The following MYO1E variants were observed in gnomAD, a reference collection of about 807,000 sequenced individuals.
The protein encoded by MYO1E is myosin IE, also known as unconventional myosin-Ie.
Under a neutral mutation model 151.1 loss-of-function variants are expected in MYO1E, and 68 were observed. The ratio of observed to expected loss-of-function variants is 0.45; its 90% confidence interval spans 0.37 to 0.55. The LOEUF (loss-of-function observed/expected upper bound fraction) is 0.55, where lower values mean the gene tolerates loss of function less well. Among genes scored for constraint, MYO1E ranks in the 20% least tolerant of loss-of-function variants. MYO1E has a pLI of 0.00. For synonymous variants in MYO1E, 601 were observed against 501.7 expected (o/e 1.20, Z -2.64); for missense variants, 1,363 against 1,389.3 (o/e 0.98, Z 0.30).
At chr15:59,247,256 G>A (rs1356580274) in intron 4 of MYO1E, among the ~76,000 whole-genome samples, 2 of 152,190 alleles carry the variant, frequency 1.3e-5, no homozygotes, top group Non-Finnish European at 2.9e-5. Context: ...TTTAATCCTA[G>A]GAGCTCAAGT....
intron 1 of MYO1E, among the ~76,000 whole-genome samples, chr15:59,354,911 T>G (rs1248666077): frequency 3.3e-5 from 5 of 152,188 alleles, no homozygotes; most frequent in African/African-American, 1.2e-4. Context: ...TATCCTGTTC[T>G]GTGAAAAGAA....
chr15:59,149,038 G>GT (rs796601875), intron 26 of MYO1E, among the ~76,000 whole-genome samples: 2,678 of 89,328 alleles, frequency 0.03, 82 homozygotes, highest in African/African-American at 0.1. Context: ...TGGATGAACT[G>GT]TTTTTTTTTT....
At chr15:59,309,991 C>G (rs2080540216) in intron 1 of MYO1E, among the ~76,000 whole-genome samples, 1 of 152,226 alleles carries the variant, frequency 6.6e-6, no homozygotes, top group African/African-American at 2.4e-5. Context: ...CCTTTCCTCT[C>G]TGTTCTCACA....
At chr15:59,268,720 A>AGTTTTTTTTTTTTTTTTTTTTT (rs2080271247) in intron 2 of MYO1E, among the ~76,000 whole-genome samples, 3 of 44,906 alleles carry the variant, frequency 6.7e-5, no homozygotes, top group East Asian at 6.7e-4. Context: ...TGACTTTGGT[A>AGTTTTTTTTTTTTTTTTTTTTT]TTTTTTTTTT....
chr15:59,367,637 A>G (rs2080922050), intron 1 of MYO1E, among the ~76,000 whole-genome samples: 1 of 152,224 alleles, frequency 6.6e-6, no homozygotes, highest in African/African-American at 2.4e-5. Context: ...GAAGGTGTGG[A>G]TGTATGGATA....
At chr15:59,208,016 C>T in intron 14 of MYO1E, 1 of 1,606,452 alleles carries the variant, frequency 6.2e-7, no homozygotes, top group South Asian at 1.1e-5. Flanking sequence ...AAGCTGACCC[C>T]TGAAGAAGAG....
At chr15:59,337,399 A>G (rs1199511659) in intron 1 of MYO1E, among the ~76,000 whole-genome samples, 1 of 152,254 alleles carries the variant, frequency 6.6e-6, no homozygotes, top group Non-Finnish European at 1.5e-5. Context: ...TTTTCTAAAC[A>G]TGAACATTCA....
At chr15:59,205,346 T>A (rs1263882054) in intron 15 of MYO1E, 54 bp downstream of exon 15, 1 of 1,552,580 alleles carries the variant, frequency 6.4e-7, no homozygotes, top group Non-Finnish European at 8.9e-7. Flanking sequence ...TGTTTTCATA[T>A]TGAAAATTTC....
At chr15:59,338,280 T>C (rs1249271245) in intron 1 of MYO1E, among the ~76,000 whole-genome samples, 1 of 146,940 alleles carries the variant, frequency 6.8e-6, no homozygotes, top group Non-Finnish European at 1.5e-5. Context: ...TAGATCAGTA[T>C]TGACTTTTTT....
chr15:59,193,557 G>A (rs2079747197), intron 17 of MYO1E, among the ~76,000 whole-genome samples: 1 of 152,186 alleles, frequency 6.6e-6, no homozygotes. Context: ...TCATGTCCTA[G>A]AGAAACTGTT....
At chr15:59,140,761 T>C (rs544742363) in intron 26 of MYO1E, among the ~76,000 whole-genome samples, 105 of 152,290 alleles carry the variant, frequency 6.9e-4, no homozygotes, top group African/African-American at 2.3e-3. Context: ...GAACACTGAC[T>C]GCCAGCAGGG....
chr15:59,137,492 G>C lies in MYO1E; in HGVS notation c.3251-36C>G, dbSNP rs1566961445. 3 of 1,582,462 alleles carry C rather than the reference G, an allele frequency of 1.9e-6. No homozygotes were observed. The South Asian group carries it at 3.3e-5, about 17-fold the overall frequency. ...AGAGAGGTGGTGGAAGTGAAGATGA[G>C]AAAGTCTGTTCTGCCCCAGCCACAC... On this transcript the variant is annotated intron_variant, in intron 27 of 27. Coordinates refer to ENST00000288235, the MANE Select transcript of MYO1E (RefSeq NM_004998.4).
At chr15:59,297,153 G>A (rs894165053) in intron 1 of MYO1E, among the ~76,000 whole-genome samples, 1 of 151,424 alleles carries the variant, frequency 6.6e-6, no homozygotes, top group South Asian at 2.1e-4. Context: ...CACCCGGCCA[G>A]GAAATTTAAC....
intron 26 of MYO1E, among the ~76,000 whole-genome samples, chr15:59,147,895 C>T (rs1307511016): frequency 6.6e-6 from 1 of 152,092 alleles, no homozygotes; most frequent in Non-Finnish European, 1.5e-5. Context: ...ATGCCTGAAG[C>T]GTAGACCTTC....
At chr15:59,170,880 C>T (rs1401639130) in intron 22 of MYO1E, among the ~76,000 whole-genome samples, 1 of 152,142 alleles carries the variant, frequency 6.6e-6, no homozygotes, top group African/African-American at 2.4e-5. Context: ...CATAAAACCC[C>T]TGCTTTTTCC....
At chr15:59,164,703 C>A (rs1273512826) in intron 22 of MYO1E, among the ~76,000 whole-genome samples, 2 of 152,194 alleles carry the variant, frequency 1.3e-5, no homozygotes, top group Non-Finnish European at 2.9e-5. Context: ...TTGGGCCCTT[C>A]TTGGAATGAC....
At chr15:59,157,056 C>A (rs1196449158) in intron 25 of MYO1E, among the ~76,000 whole-genome samples, 1 of 150,930 alleles carries the variant, frequency 6.6e-6, no homozygotes, top group Admixed American at 6.6e-5. Context: ...GACTCCGTGT[C>A]TACAAAGAGT....
chr15:59,239,897 T>C (rs1195132834), intron 4 of MYO1E, among the ~76,000 whole-genome samples: 2 of 152,250 alleles, frequency 1.3e-5, no homozygotes, highest in Non-Finnish European at 2.9e-5. Flanking sequence ...ACCATAATTA[T>C]GCTGGCCTGT....
chr15:59,200,660 C>T (rs747943895), intron 16 of MYO1E, among the ~76,000 whole-genome samples: 3 of 152,112 alleles, frequency 2.0e-5, no homozygotes, highest in South Asian at 2.1e-4. Context: ...AGACCAACAA[C>T]GGCGATACAG....
Sources: gnomAD v4.1 joint callset for allele counts (sites outside exome capture counted in the v4.1 genomes callset) on GRCh38, gnomAD v4.1.1 for gene constraint, MANE v1.5 for transcripts, NCBI Gene and HGNC (gene_info 2026-07-23, HGNC 2026-07-21) for gene names.